Variants in ZNF727 observed in about 807,000 individuals in gnomAD.
ZNF727 encodes the protein putative zinc finger protein 727.
ZNF727 carries 11 observed loss-of-function variants against 11.5 expected under a neutral mutation model. The ratio of observed to expected loss-of-function variants is 0.95; its 90% CI spans 0.60 to 1.58. ZNF727 has a LOEUF of 1.58. Among genes scored for constraint, ZNF727 ranks in the 40% most tolerant of loss-of-function variants. The probability of loss-of-function intolerance (pLI) is 0.00; values close to 1 mark genes in which losing one functional copy is unlikely to be tolerated. For missense variants in ZNF727, 533 were observed against 581.7 expected (o/e 0.92, Z 0.86); for synonymous variants, 171 against 196.1 (o/e 0.87, Z 1.07).
At chr7:64,057,737 A>C (rs1789708062) in intron 1 of ZNF727, among the ~76,000 whole-genome samples, 1 of 152,154 alleles carries the variant, frequency 6.6e-6, no homozygotes, top group South Asian at 2.1e-4. Context: ...AGTAAAAAAA[A>C]AAAATACCTA....
chr7:64,076,314 T>A (rs1040937664), intron 3 of ZNF727, among the ~76,000 whole-genome samples: 13 of 151,376 alleles, frequency 8.6e-5, no homozygotes, highest in Admixed American at 7.9e-4. Flanking sequence ...TATTCTTAAT[T>A]GTAAAAACTA....
chr7:64,069,660 A>G (rs1247352977), intron 3 of ZNF727, 51 bp downstream of exon 3: 7 of 1,408,052 alleles, frequency 5.0e-6, no homozygotes, highest in African/African-American at 2.9e-5. Context: ...TCCCAATGTC[A>G]AGGAGGAAGC....
chr7:64,071,966 C>G (rs546064428), intron 3 of ZNF727, among the ~76,000 whole-genome samples: 4 of 152,094 alleles, frequency 2.6e-5, no homozygotes, highest in Admixed American at 1.3e-4. Context: ...ACAGAGCATC[C>G]TGTTTTTATT....
intron 1 of ZNF727, among the ~76,000 whole-genome samples, chr7:64,046,442 A>G (rs1239973342): frequency 6.6e-6 from 1 of 152,332 alleles, no homozygotes; most frequent in South Asian, 2.1e-4. Flanking sequence ...TGTTTGGATT[A>G]TGGGCGTGAA....
intron 1 of ZNF727, 85 bp downstream of exon 1, chr7:64,045,709 C>T (rs1789490809): frequency 6.5e-7 from 1 of 1,530,778 alleles, no homozygotes; most frequent in Non-Finnish European, 8.8e-7. Context: ...ATCTTGGCCT[C>T]GCGGTCAGCT....
chr7:64,053,024 C>T (rs1789626641), intron 1 of ZNF727, among the ~76,000 whole-genome samples: 1 of 152,102 alleles, frequency 6.6e-6, no homozygotes, highest in Non-Finnish European at 1.5e-5. Flanking sequence ...CTTGCCTTGT[C>T]TTGGATGAGA....
chr7:64,059,940 C>A (rs1336647633), intron 1 of ZNF727, among the ~76,000 whole-genome samples: 1 of 151,984 alleles, frequency 6.6e-6, no homozygotes, highest in African/African-American at 2.4e-5. Context: ...TTCTCTAGGA[C>A]CTGGAAACCA....
intron 3 of ZNF727, among the ~76,000 whole-genome samples, chr7:64,074,518 G>A (rs2116323416): frequency 6.6e-6 from 1 of 152,224 alleles, no homozygotes; most frequent in Non-Finnish European, 1.5e-5. Context: ...CCTTATGTTA[G>A]ACATCTGTGA....
intron 1 of ZNF727, among the ~76,000 whole-genome samples, chr7:64,051,914 T>G (rs1486485806): frequency 1.3e-5 from 2 of 152,194 alleles, no homozygotes; most frequent in Non-Finnish European, 2.9e-5. Context: ...TCAAAAGACC[T>G]TCATTTTTGT....
In ZNF727 at chr7:64,078,859, A is replaced by G. The variant is rs1785737566; in HGVS notation, c.*310A>G. 6.6e-6 allele frequency among the ~76,000 whole-genome samples: 1 copy of G among 152,166 alleles called. No individual in the cohort carries two copies. Among genetic ancestry groups the G allele is most frequent in the Admixed American group, 6.5e-5 (1 of 15,278 alleles). ...GTAACAAAGGCTATAGGTGGTTCTG[A>G]GACCTTGCTAAACATAAGATAATTC... On this transcript the variant is annotated 3_prime_UTR_variant, in exon 4 of 4. Coordinates refer to ENST00000456806, the MANE Select transcript of ZNF727 (RefSeq NM_001159522.3).
At chr7:64,072,876 C>A (rs1789984010) in intron 3 of ZNF727, among the ~76,000 whole-genome samples, 2 of 151,900 alleles carry the variant, frequency 1.3e-5, no homozygotes, top group African/African-American at 4.8e-5. Flanking sequence ...TGATAAAAGT[C>A]TCTTCTTTGA....
At chr7:64,059,224 T>A (rs1161344644) in intron 1 of ZNF727, among the ~76,000 whole-genome samples, 3 of 152,078 alleles carry the variant, frequency 2.0e-5, no homozygotes, top group Non-Finnish European at 4.4e-5. Context: ...ATTACAGGCA[T>A]GAGCCGCCGC....
chr7:64,049,136 T>C (rs1197458724), intron 1 of ZNF727, among the ~76,000 whole-genome samples: 1 of 152,156 alleles, frequency 6.6e-6, no homozygotes, highest in African/African-American at 2.4e-5. Context: ...ATTCTTGTAT[T>C]ATTATATTAT....
chr7:64,046,231 A>G (rs995265888), intron 1 of ZNF727, among the ~76,000 whole-genome samples: 3 of 151,958 alleles, frequency 2.0e-5, no homozygotes, highest in African/African-American at 4.8e-5. Context: ...GGTTTTTGCA[A>G]TGTTGCTCAG....
rs192649431 is a variant in ZNF727, at chr7:64,063,347, C to T, written c.4-5544C>T. On this transcript the variant is annotated intron_variant, in intron 1 of 3. Coordinates refer to ENST00000456806, the MANE Select transcript of ZNF727 (RefSeq NM_001159522.3). ...ATATCTGCATTAGGGGACACCCCAA[C>T]CTGAATAACACTGTGATGCTTGCAG... Among the ~76,000 whole-genome samples, 476 of 151,888 alleles carry T rather than the reference C, an allele frequency of 3.1e-3. 4 individuals carry two copies. Among genetic ancestry groups the T allele is most frequent in the East Asian group, 6.2e-3 (32 of 5,176 alleles).
intron 3 of ZNF727, among the ~76,000 whole-genome samples, chr7:64,075,831 A>G (rs770726465): frequency 6.6e-6 from 1 of 152,286 alleles, no homozygotes; most frequent in South Asian, 2.1e-4. Flanking sequence ...TTTGCAGTAC[A>G]TAATATACCA....
In ZNF727 at chr7:64,083,609, T is replaced by C. The variant is rs1584162199; in HGVS notation, c.*5060T>C. ...ACTCCACATAGCTCTGTGTGTTAAA[T>C]TGAAGGCCTTGGTGAAGTGGGTTCC... On this transcript the variant is annotated 3_prime_UTR_variant, in exon 4 of 4. Transcript: ENST00000456806. 2.0e-5 allele frequency among the ~76,000 whole-genome samples: 3 copies of C among 152,272 alleles called. No homozygotes were observed. The Middle Eastern group carries it at 0.01, about 518-fold the overall frequency.
chr7:64,069,317 C>T (rs1302972347), intron 2 of ZNF727, among the ~76,000 whole-genome samples, 197 bp from the exon 3 acceptor site: 1 of 151,946 alleles, frequency 6.6e-6, no homozygotes, highest in Non-Finnish European at 1.5e-5. Context: ...ATTTTTGATG[C>T]AATATTACTG....
chr7:64,067,340 T>G (rs112859689), intron 1 of ZNF727, among the ~76,000 whole-genome samples: 2 of 152,260 alleles, frequency 1.3e-5, no homozygotes, highest in African/African-American at 4.8e-5. Context: ...TGGCAATTCC[T>G]CAAGGGTATA....
Sources: allele counts gnomAD v4.1 joint callset (sites outside exome capture counted in the v4.1 genomes callset), GRCh38; gene constraint gnomAD v4.1.1; transcripts MANE v1.5; gene names NCBI Gene and HGNC (gene_info 2026-07-23, HGNC 2026-07-21).